The following P4HA2 variants were observed in gnomAD, a reference collection of about 807,000 sequenced individuals.
P4HA2 encodes the protein prolyl 4-hydroxylase subunit alpha 2.
In P4HA2, 46 loss-of-function variants were observed where a neutral mutation model predicts 76.9. That is an observed-to-expected ratio of 0.60 (90% CI 0.47 to 0.76). The LOEUF (loss-of-function observed/expected upper bound fraction) is 0.76, where lower values mean the gene tolerates loss of function less well. Ranked by LOEUF, P4HA2 falls within the 30% of genes least tolerant of loss-of-function variation. The pLI is 0.00. For synonymous variants in P4HA2, 243 were observed against 254.0 expected (o/e 0.96, Z 0.41); for missense variants, 583 against 669.4 (o/e 0.87, Z 1.42).
chr5:132,198,788 G>T, intron 11 of P4HA2, 91 bp downstream of exon 11: 1 of 881,950 alleles, frequency 1.1e-6, no homozygotes, highest in South Asian at 1.3e-5. Context: ...TGGGGGTACT[G>T]ATGTGGAGGC....
intron 12 of P4HA2, among the ~76,000 whole-genome samples, chr5:132,196,206 A>G (rs564220069): frequency 6.6e-6 from 1 of 152,334 alleles, no homozygotes; most frequent in East Asian, 1.9e-4. Context: ...TCCACAGGAC[A>G]CATACCAGAC....
In P4HA2 at chr5:132,191,854, GT is replaced by G. The variant is rs2126516478; in HGVS notation, c.*1155del. The G allele has an allele frequency of 6.6e-6, 1 of 152,318 alleles. No individual in the cohort carries two copies. Among genetic ancestry groups the G allele is most frequent in the Admixed American group, 6.5e-5 (1 of 15,306 alleles). The allele number at this position is 152,318 out of a possible 1,614,324, so 9.4% of individuals were successfully genotyped here. A position where few individuals can be genotyped will look rare whatever the true frequency, so the allele number is the denominator to read the frequency against. On this transcript the variant is annotated 3_prime_UTR_variant, in exon 15 of 15. Transcript: ENST00000360568. ...TACAAAGACTGAAATCAATTCCAGTGTTTATCAGCAGCATGCTGCCTGTATT... is the reference window on the plus strand; with the variant it reads ...TACAAAGACTGAAATCAATTCCAGTGTTATCAGCAGCATGCTGCCTGTATT...
At chr5:132,224,062 G>T (rs966574068) in intron 1 of P4HA2, among the ~76,000 whole-genome samples, 4 of 152,186 alleles carry the variant, frequency 2.6e-5, no homozygotes, top group African/African-American at 9.7e-5. Flanking sequence ...CTCACCAGAG[G>T]GAGGAACGCA....
At chr5:132,206,266 C>A (rs1752200936) in intron 8 of P4HA2, among the ~76,000 whole-genome samples, 1 of 152,180 alleles carries the variant, frequency 6.6e-6, no homozygotes, top group African/African-American at 2.4e-5. Context: ...AAGTAGTTTT[C>A]TTTCCTGGAG....
At chr5:132,195,121 C>A in intron 13 of P4HA2, 99 bp from the exon 14 acceptor site, 2 of 809,282 alleles carry the variant, frequency 2.5e-6, no homozygotes, top group Non-Finnish European at 4.3e-6. Flanking sequence ...CAGAAACACC[C>A]TCATTTTCCC....
intron 12 of P4HA2, among the ~76,000 whole-genome samples, chr5:132,197,777 G>A (rs1750880755): frequency 6.6e-6 from 1 of 152,168 alleles, no homozygotes; most frequent in South Asian, 2.1e-4. Flanking sequence ...AATGGTGGCT[G>A]CCAGGAGCTG....
chr5:132,196,268 T>C (rs1468980496), intron 12 of P4HA2, among the ~76,000 whole-genome samples: 1 of 152,236 alleles, frequency 6.6e-6, no homozygotes, highest in Non-Finnish European at 1.5e-5. Flanking sequence ...ACAAAAGCTC[T>C]GATGGCTTCT....
intron 10 of P4HA2, among the ~76,000 whole-genome samples, 164 bp from the exon 11 acceptor site, chr5:132,199,096 A>T (rs1751126276): frequency 6.6e-6 from 1 of 152,240 alleles, no homozygotes; most frequent in South Asian, 2.1e-4. Flanking sequence ...CAGGCAGAGC[A>T]AACATCACAA....
At chr5:132,199,820 G>A (rs1751227887) in intron 10 of P4HA2, 1 of 152,234 alleles carries the variant, frequency 6.6e-6, no homozygotes, top group African/African-American at 2.4e-5. Flanking sequence ...TTCTCAGAAA[G>A]TTGGTATTTT....
At chr5:132,213,652 G>A (rs1580719424) in intron 5 of P4HA2, among the ~76,000 whole-genome samples, 3 of 152,320 alleles carry the variant, frequency 2.0e-5, no homozygotes, top group African/African-American at 4.8e-5. Flanking sequence ...GGGGACAGAC[G>A]TGGAGGGGGT....
chr5:132,211,537 C>T (rs1283152362), intron 5 of P4HA2, among the ~76,000 whole-genome samples: 3 of 152,180 alleles, frequency 2.0e-5, no homozygotes, highest in South Asian at 4.1e-4. Context: ...GTCTGCTAAC[C>T]CCGGTGGCTC....
Position 132,217,738 on chromosome 5 carries a change from G to A in P4HA2, c.179+14C>T, listed in dbSNP as rs555627543. On this transcript the variant is annotated intron_variant, in intron 3 of 14. Transcript: ENST00000360568. ...AAGGAAGGCCAACTAAGGATGGTTG[G>A]GGACTTAGGACACCTCTTAATCTTG... is the stretch of plus-strand genomic sequence containing the variant. 2 of 1,508,128 alleles carry A rather than the reference G, an allele frequency of 1.3e-6. No individual in the cohort carries two copies. Among genetic ancestry groups the A allele is most frequent in the African/African-American group, 1.4e-5 (1 of 72,976 alleles). The allele number at this position is 1,508,128 out of a possible 1,614,324, so 93.4% of individuals were successfully genotyped here. A position where few individuals can be genotyped will look rare whatever the true frequency, so the allele number is the denominator to read the frequency against.
At chr5:132,218,897 G>A (rs1406488707) in intron 1 of P4HA2, among the ~76,000 whole-genome samples, 2 of 152,142 alleles carry the variant, frequency 1.3e-5, no homozygotes, top group African/African-American at 4.8e-5. Flanking sequence ...TCAACTCCCA[G>A]CAACCACCTG....
chr5:132,195,334 G>A, intron 13 of P4HA2, 78 bp downstream of exon 13: 2 of 1,069,038 alleles, frequency 1.9e-6, no homozygotes, highest in Non-Finnish European at 2.9e-6. Flanking sequence ...GGCAGGCCAG[G>A]TAATGGTACT....
At chr5:132,225,260 G>C (rs1417433154) in intron 1 of P4HA2, among the ~76,000 whole-genome samples, 2 of 152,110 alleles carry the variant, frequency 1.3e-5, no homozygotes, top group African/African-American at 4.8e-5. Flanking sequence ...GCATGTACTT[G>C]CATCACAGCT....
chr5:132,209,422 G>C, intron 6 of P4HA2, 91 bp from the exon 7 acceptor site: 4 of 1,033,224 alleles, frequency 3.9e-6, no homozygotes, highest in Middle Eastern at 5.2e-4. Flanking sequence ...TTCTCTCCCA[G>C]CAGCTCACCT....
intron 1 of P4HA2, among the ~76,000 whole-genome samples, chr5:132,223,179 G>C (rs922770129): frequency 7.9e-5 from 12 of 152,192 alleles, no homozygotes; most frequent in Admixed American, 1.3e-4. Flanking sequence ...GCTACCAAAG[G>C]GCCCTCATAG....
chr5:132,217,866 A>C lies in P4HA2; in HGVS notation c.83-18T>G. ...CATGTGCCCTGCAAGGGAGAGAAGAAAGACACCAGTGAGAAACAGATGAGG... is the reference window on the plus strand; with the variant it reads ...CATGTGCCCTGCAAGGGAGAGAAGACAGACACCAGTGAGAAACAGATGAGG... On this transcript the variant is annotated intron_variant, in intron 2 of 14. Transcript: ENST00000360568. 1.3e-6 allele frequency: 2 copies of C among 1,502,902 alleles called. No homozygotes were observed. Among genetic ancestry groups the C allele is most frequent in the Non-Finnish European group, 9.2e-7 (1 of 1,084,548 alleles). 93.1% of individuals were successfully genotyped at this position (1,502,902 alleles called of 1,614,324 possible). A position where few individuals can be genotyped will look rare whatever the true frequency, so the allele number is the denominator to read the frequency against.
intron 3 of P4HA2, 164 bp downstream of exon 3, chr5:132,217,588 C>T (rs1323458199): frequency 1.5e-6 from 1 of 657,684 alleles, no homozygotes. Context: ...GACTCCTTAG[C>T]CCATGTACTT....
Sources: gnomAD v4.1 joint callset for allele counts (sites outside exome capture counted in the v4.1 genomes callset) on GRCh38, gnomAD v4.1.1 for gene constraint, MANE v1.5 for transcripts, NCBI Gene and HGNC (gene_info 2026-07-23, HGNC 2026-07-21) for gene names.